NEGR1: variants seen among roughly 807,000 people sequenced by gnomAD.
NEGR1 encodes neuronal growth regulator 1, also known as IgLON family member 4.
In NEGR1, 10 loss-of-function variants were observed where a neutral mutation model predicts 40.9. That is an observed-to-expected ratio of 0.24 (90% CI 0.15 to 0.42). The LOEUF is 0.42. Ranked by LOEUF, NEGR1 falls within the 10% of genes least tolerant of loss-of-function variation. The pLI is 1.00. For missense variants in NEGR1, 352 were observed against 438.9 expected (o/e 0.80, Z 1.77); for synonymous variants, 185 against 166.8 (o/e 1.11, Z -0.84).
chr1:72,113,464 AT>A (rs982602761), intron 1 of NEGR1, among the ~76,000 whole-genome samples: 20 of 148,114 alleles, frequency 1.4e-4, no homozygotes, highest in African/African-American at 4.5e-4. Context: ...TAGAAAAAAA[AT>A]ATATATATTT....
chr1:72,019,480 C>A (rs1299292403), intron 1 of NEGR1, among the ~76,000 whole-genome samples: 1 of 152,048 alleles, frequency 6.6e-6, no homozygotes, highest in Non-Finnish European at 1.5e-5. Flanking sequence ...CAGTATGAAC[C>A]TGAAGATTCT....
chr1:71,742,798 T>A (rs1419240274), intron 3 of NEGR1, among the ~76,000 whole-genome samples: 1 of 152,094 alleles, frequency 6.6e-6, no homozygotes, highest in African/African-American at 2.4e-5. Context: ...ACTTGGTTAT[T>A]GGGATTAAAT....
chr1:71,742,313 C>T (rs111318810), intron 3 of NEGR1, among the ~76,000 whole-genome samples: 64 of 152,122 alleles, frequency 4.2e-4, no homozygotes, highest in East Asian at 7.8e-4. Flanking sequence ...CAAGTAGAGC[C>T]CTGGGAATGT....
At chr1:71,736,433 A>G (rs1267670580) in intron 3 of NEGR1, among the ~76,000 whole-genome samples, 1 of 152,188 alleles carries the variant, frequency 6.6e-6, no homozygotes, top group Non-Finnish European at 1.5e-5. Flanking sequence ...TAATCATTAA[A>G]TTACCATTTA....
intron 2 of NEGR1, among the ~76,000 whole-genome samples, chr1:71,900,712 T>C (rs1040370120): frequency 1.5e-4 from 23 of 152,318 alleles, no homozygotes; most frequent in Admixed American, 9.2e-4. Flanking sequence ...ACCACAATGA[T>C]AGATGCTAGA....
rs35692576 is a variant in NEGR1, at chr1:71,568,829, C to CGTGTGTGTGT, written c.940+23978_940+23987dup. On this transcript the variant is annotated intron_variant, in intron 6 of 6. Coordinates refer to ENST00000357731, the MANE Select transcript of NEGR1 (RefSeq NM_173808.3). ...GTGTGTGTATGTGTATATATGTATA[C>CGTGTGTGTGT]GTGTGTGTGTGTGTGTGTGTGTGTG... Among the ~76,000 whole-genome samples, 757 of 147,560 alleles carry CGTGTGTGTGT rather than the reference C, an allele frequency of 5.1e-3. 11 individuals carry two copies. Among genetic ancestry groups the CGTGTGTGTGT allele is most frequent in the East Asian group, 0.022 (108 of 4,860 alleles).
chr1:71,643,924 A>G (rs1651440422), intron 4 of NEGR1, among the ~76,000 whole-genome samples: 1 of 152,052 alleles, frequency 6.6e-6, no homozygotes, highest in Non-Finnish European at 1.5e-5. Context: ...AGTTTTTATT[A>G]CTTCTAGAAA....
intron 2 of NEGR1, among the ~76,000 whole-genome samples, chr1:71,913,134 GA>G (rs1440959192): frequency 6.6e-6 from 1 of 152,010 alleles, no homozygotes; most frequent in Admixed American, 6.6e-5. Flanking sequence ...AATTAATTCT[GA>G]GATGGAGTCT....
intron 4 of NEGR1, among the ~76,000 whole-genome samples, chr1:71,632,874 T>G (rs1286055003): frequency 1.3e-5 from 2 of 152,014 alleles, no homozygotes; most frequent in Non-Finnish European, 2.9e-5. Context: ...ATTATTTTTC[T>G]TTCATAGGCT....
chr1:71,798,518 TCTAA>T (rs1657424638), intron 2 of NEGR1, among the ~76,000 whole-genome samples: 3 of 152,200 alleles, frequency 2.0e-5, no homozygotes, highest in Non-Finnish European at 2.9e-5. Context: ...CAAGAACTAT[TCTAA>T]CTATTTATGC....
intron 1 of NEGR1, among the ~76,000 whole-genome samples, chr1:72,026,041 G>A (rs1241529703): frequency 6.9e-6 from 1 of 144,368 alleles, no homozygotes; most frequent in African/African-American, 2.6e-5. Flanking sequence ...AACCCGGGAG[G>A]CGGAGCTTGC....
intron 1 of NEGR1, among the ~76,000 whole-genome samples, chr1:72,094,461 T>C (rs1648622795): frequency 6.6e-6 from 1 of 152,190 alleles, no homozygotes; most frequent in South Asian, 2.1e-4. Context: ...CATGTTTTTC[T>C]GTAACCAAGT....
intron 1 of NEGR1, chr1:72,274,726 G>T: frequency 2.9e-6 from 3 of 1,042,366 alleles, no homozygotes; most frequent in Non-Finnish European, 3.0e-6. Flanking sequence ...AAAAGTAATT[G>T]GAGTAAAATC....
At chr1:71,558,552 T>C (rs1648329156) in intron 6 of NEGR1, among the ~76,000 whole-genome samples, 2 of 151,498 alleles carry the variant, frequency 1.3e-5, no homozygotes, top group African/African-American at 2.4e-5. Flanking sequence ...CAGTATGGAC[T>C]AGTGGATATT....
chr1:72,052,060 T>C (rs2100478049), intron 1 of NEGR1, among the ~76,000 whole-genome samples: 1 of 151,604 alleles, frequency 6.6e-6, no homozygotes, highest in East Asian at 1.9e-4. Flanking sequence ...GGTATTTCTC[T>C]ATTTCAGATA....
intron 1 of NEGR1, among the ~76,000 whole-genome samples, chr1:71,999,549 T>C (rs1380261109): frequency 6.8e-6 from 1 of 148,040 alleles, no homozygotes; most frequent in Non-Finnish European, 1.5e-5. Flanking sequence ...GGTTTGTTAA[T>C]TCTGTCTTCT....
intron 2 of NEGR1, among the ~76,000 whole-genome samples, chr1:71,792,140 ACAGG>A (rs1657141172): frequency 6.6e-6 from 1 of 152,120 alleles, no homozygotes; most frequent in Non-Finnish European, 1.5e-5. Context: ...CTGAAGTTTC[ACAGG>A]CCCAAATAAG....
chr1:71,576,394 C>G (rs1648968582), intron 6 of NEGR1, among the ~76,000 whole-genome samples: 1 of 152,028 alleles, frequency 6.6e-6, no homozygotes, highest in South Asian at 2.1e-4. Flanking sequence ...TTATTTTAAC[C>G]CAGAGATCAT....
intron 3 of NEGR1, among the ~76,000 whole-genome samples, chr1:71,720,481 A>T (rs761806040): frequency 1.8e-4 from 28 of 152,122 alleles, no homozygotes; most frequent in Non-Finnish European, 3.4e-4. Flanking sequence ...ATTATTAATT[A>T]TTCTTTCAGT....
Sources: allele counts gnomAD v4.1 joint callset (sites outside exome capture counted in the v4.1 genomes callset), GRCh38; gene constraint gnomAD v4.1.1; transcripts MANE v1.5; gene names NCBI Gene and HGNC (gene_info 2026-07-23, HGNC 2026-07-21).